Variants in CLU observed in about 807,000 individuals in gnomAD.
CLU encodes the protein clusterin, also known as aging-associated protein 4.
CLU carries 25 observed loss-of-function variants against 46.4 expected under a neutral mutation model. That is an observed-to-expected ratio of 0.54 (90% CI 0.39 to 0.75). The LOEUF (loss-of-function observed/expected upper bound fraction) is 0.75, where lower values mean the gene tolerates loss of function less well. CLU is among the 30% of genes least tolerant of loss of function. CLU has a pLI of 0.00. For missense variants in CLU, 504 were observed against 592.1 expected (o/e 0.85, Z 1.54); for synonymous variants, 235 against 235.1 (o/e 1.00, Z 0.00).
At chr8:27,598,880 C>G (rs1227955106) in intron 7 of CLU, 13 of 546,032 alleles carry the variant, frequency 2.4e-5, no homozygotes, top group Non-Finnish European at 3.9e-5. Flanking sequence ...AGGGAGCACC[C>G]CAAAGAATAA....
At chr8:27,613,001 G>A (rs1800957082) in intron 1 of CLU, among the ~76,000 whole-genome samples, 1 of 151,430 alleles carries the variant, frequency 6.6e-6, no homozygotes, top group African/African-American at 2.4e-5. Flanking sequence ...GACTTTGGGA[G>A]CAACTCCCCT....
chr8:27,603,217 G>A (rs980870762), intron 6 of CLU, among the ~76,000 whole-genome samples: 1 of 152,112 alleles, frequency 6.6e-6, no homozygotes, highest in Non-Finnish European at 1.5e-5. Context: ...ACTTTCTTGT[G>A]GTGAGGTACC....
At chr8:27,608,515 A>G (rs1190447571) in intron 3 of CLU, 1 of 296,792 alleles carries the variant, frequency 3.4e-6, no homozygotes, top group East Asian at 8.0e-5. Flanking sequence ...TTTATGAAGT[A>G]GTCCAGAACT....
rs1397831346 is a variant in CLU, at chr8:27,598,615, G to A, written c.1185C>T (p.Asp395=). Residue 395 remains aspartate (D), a synonymous_variant, in exon 8 of 9, where the codon GAC becomes GAT. Transcript: ENST00000316403. The part of the protein sequence containing the change: ...RVTTVASHTS[D]SDVPSGVTEV... ...CAGTGACACCGGAAGGAACGTCCGA[G>A]TCAGAAGTGTGGGAAGCCACCTAAA... is the stretch of plus-strand genomic sequence containing the variant. 8 of 1,613,670 alleles carry A rather than the reference G, an allele frequency of 5.0e-6. No individual in the cohort carries two copies. The highest frequency in any genetic ancestry group is 1.6e-4 in the Middle Eastern group (1 of 6,084).
At chr8:27,606,278 C>T (rs1383815713) in intron 4 of CLU, 76 bp downstream of exon 4, 16 of 1,518,542 alleles carry the variant, frequency 1.1e-5, no homozygotes, top group South Asian at 2.3e-5. Flanking sequence ...ATCTGGCATG[C>T]GGAATGAAGC....
chr8:27,610,280 ACG>A (rs1177644948), intron 2 of CLU, among the ~76,000 whole-genome samples, 193 bp downstream of exon 2: 1 of 152,180 alleles, frequency 6.6e-6, no homozygotes, highest in Non-Finnish European at 1.5e-5. Flanking sequence ...AGTCTGATGC[ACG>A]CAGAGCCTGA....
rs759820014 is a variant in CLU, at chr8:27,599,339, T to A, written c.1164+441A>T. ...CTGGGATTACAGGCATGAGCCACCA[T>A]GTCTGGCCTAGAGAGAAGTTTTTAT... On this transcript the variant is annotated intron_variant, in intron 7 of 8. Transcript: ENST00000316403. The surrounding 1 kb of genome is among the most constrained non-coding windows in gnomAD (Gnocchi z 4.0). The A allele has an allele frequency of 1.2e-4, 22 of 187,662 alleles. No homozygotes were observed. Among genetic ancestry groups the A allele is most frequent in the Non-Finnish European group, 2.3e-4 (21 of 89,454 alleles). 11.6% of individuals were successfully genotyped at this position (187,662 alleles called of 1,614,324 possible).
chr8:27,612,800 T>TGACAAG (rs1257788543), intron 1 of CLU, among the ~76,000 whole-genome samples: 1 of 151,934 alleles, frequency 6.6e-6, no homozygotes, highest in Non-Finnish European at 1.5e-5. Context: ...GGAAGAGCCA[T>TGACAAG]GCCAAGGCCA....
At chr8:27,614,551 G>C in intron 1 of CLU, 104 bp downstream of exon 1, 1 of 389,018 alleles carries the variant, frequency 2.6e-6, no homozygotes, top group Middle Eastern at 5.9e-4. Context: ...CAGGGGTTGT[G>C]ACTGCGAGCT....
intron 1 of CLU, among the ~76,000 whole-genome samples, chr8:27,613,382 T>C (rs1800962888): frequency 2.0e-5 from 2 of 101,614 alleles, no homozygotes; most frequent in Non-Finnish European, 3.6e-5. Flanking sequence ...TGAGACTTGG[T>C]CTCAGGAAAA....
chr8:27,599,049 T>C lies in CLU; in HGVS notation c.1165-414A>G. The stretch of plus-strand genomic sequence containing the variant: ...TTTTTAACTTTATTTTATTATTTTA[T>C]ATATATATATTTTTTAAGAGACAGA... On this transcript the variant is annotated intron_variant, in intron 7 of 8. Transcript: ENST00000316403. The surrounding 1 kb of genome is among the most constrained non-coding windows in gnomAD (Gnocchi z 4.0). 6.6e-6 allele frequency: 1 copy of C among 152,562 alleles called. No individual in the cohort carries two copies. The highest frequency in any genetic ancestry group is 1.5e-5 in the Non-Finnish European group (1 of 68,620). 9.5% of individuals were successfully genotyped at this position (152,562 alleles called of 1,614,324 possible). A position where few individuals can be genotyped will look rare whatever the true frequency, so the allele number is the denominator to read the frequency against.
intron 3 of CLU, chr8:27,608,670 C>T: frequency 1.7e-6 from 1 of 574,886 alleles, no homozygotes; most frequent in Non-Finnish European, 3.1e-6. Flanking sequence ...AGCATGTGAT[C>T]AGGGCTTAGA....
intron 2 of CLU, among the ~76,000 whole-genome samples, chr8:27,610,236 C>A (rs533359670): frequency 2.0e-5 from 3 of 152,208 alleles, no homozygotes; most frequent in African/African-American, 7.2e-5. Flanking sequence ...ATGCAACAGC[C>A]GAAAGTGCTT....
intron 1 of CLU, among the ~76,000 whole-genome samples, chr8:27,613,301 G>T (rs978242163): frequency 7.2e-5 from 11 of 151,736 alleles, no homozygotes; most frequent in African/African-American, 2.7e-4. Flanking sequence ...CATGAGAACT[G>T]CTTGAACCCG....
Position 27,597,413 on chromosome 8 carries a change from A to ACC in CLU, c.*827_*828insGG. On this transcript the variant is annotated 3_prime_UTR_variant, in exon 9 of 9. Coordinates refer to ENST00000316403, the MANE Select transcript of CLU (RefSeq NM_001831.4). ...CTGTGGTCCAGGGAAAGGTATGAAG[A>ACC]TCATATAAACCGGCGGTGGACAGGA... 2.2e-6 allele frequency: 1 copy of ACC among 454,516 alleles called. No individual in the cohort carries two copies. The highest frequency in any genetic ancestry group is 1.6e-5 in the South Asian group (1 of 64,476). 28.2% of individuals were successfully genotyped at this position (454,516 alleles called of 1,614,324 possible).
At position 27,612,454 on chromosome 8, in the gene CLU, G is replaced by C. The variant is rs9331883; in HGVS notation, c.-29-1854C>G. On this transcript the variant is annotated intron_variant, in intron 1 of 8. Coordinates refer to ENST00000316403, the MANE Select transcript of CLU (RefSeq NM_001831.4). ...CTTCCAAATTAGACTGAGGTCTGAG[G>C]CTGGGCATTGGCAGTGTCTAATCAA... Among the ~76,000 whole-genome samples, 1,449 of 152,276 alleles carry C rather than the reference G, an allele frequency of 9.5e-3. 38 individuals carry two copies. The highest frequency in any genetic ancestry group is 0.053 in the Admixed American group (809 of 15,302).
chr8:27,614,244 A>G (rs1314249024), intron 1 of CLU: 2 of 156,850 alleles, frequency 1.3e-5, no homozygotes, highest in Non-Finnish European at 2.8e-5. Flanking sequence ...GCCGAAAGCC[A>G]CAACTGAGAG....
chr8:27,604,138 C>T (rs1199543522), intron 6 of CLU, 153 bp downstream of exon 6: 2 of 681,148 alleles, frequency 2.9e-6, no homozygotes, highest in African/African-American at 1.8e-5. Context: ...GCATGAGGCT[C>T]AGGACCTGCC....
chr8:27,609,704 G>A (rs749803158), intron 2 of CLU, among the ~76,000 whole-genome samples: 1 of 152,150 alleles, frequency 6.6e-6, no homozygotes, highest in Non-Finnish European at 1.5e-5. Flanking sequence ...CTTCGCAGAG[G>A]GAGACATGGG....
Sources: gnomAD v4.1 joint callset for allele counts (sites outside exome capture counted in the v4.1 genomes callset) on GRCh38, gnomAD v4.1.1 for gene constraint, Gnocchi (gnomAD v3.1) non-coding constraint, MANE v1.5 for transcripts, NCBI Gene and HGNC (gene_info 2026-07-23, HGNC 2026-07-21) for gene names.